The following WWOX variants were observed in gnomAD, a reference collection of about 807,000 sequenced individuals.
The protein encoded by WWOX is WW domain-containing oxidoreductase.
In WWOX, 69 loss-of-function variants were observed where a neutral mutation model predicts 46.2. The observed-to-expected ratio is 1.49, with a 90% CI of 1.23 to 1.82. The LOEUF (loss-of-function observed/expected upper bound fraction) is 1.82, where lower values mean the gene tolerates loss of function less well. Among genes scored for constraint, WWOX ranks in the 40% most tolerant of loss-of-function variants. The pLI, the probability that WWOX is intolerant of heterozygous loss-of-function variation, is 0.00. For synonymous variants in WWOX, 359 were observed against 202.6 expected (o/e 1.77, Z -6.56); for missense variants, 919 against 542.6 (o/e 1.69, Z -6.89).
chr16:78,105,032 C>A (rs1032312743), intron 1 of WWOX, among the ~76,000 whole-genome samples: 1 of 152,354 alleles, frequency 6.6e-6, no homozygotes, highest in African/African-American at 2.4e-5. Flanking sequence ...GTTCCGGATT[C>A]TTCCCCAGGG....
At chr16:78,657,844 G>GT (rs916524304) in intron 8 of WWOX, among the ~76,000 whole-genome samples, 4 of 152,028 alleles carry the variant, frequency 2.6e-5, no homozygotes, top group Non-Finnish European at 4.4e-5. Flanking sequence ...TTTGTTTTTT[G>GT]TTTTTTTGTT....
chr16:78,771,633 A>G (rs1044643967), intron 8 of WWOX, among the ~76,000 whole-genome samples: 2 of 152,028 alleles, frequency 1.3e-5, no homozygotes, highest in Admixed American at 6.6e-5. Context: ...TTGGGCGGGC[A>G]TTGTGGTGGG....
In WWOX at chr16:78,869,111, G is replaced by C. The variant is rs1458202665; in HGVS notation, c.1057-342497G>C. 3.3e-5 allele frequency among the ~76,000 whole-genome samples: 5 copies of C among 152,114 alleles called. No homozygotes were observed. In the East Asian group the frequency reaches 5.8e-4, roughly 18 times the overall value. On this transcript the variant is annotated intron_variant, in intron 8 of 8. Transcript: ENST00000566780. ...CATTAGTTTTGATTACATTAGTTTA[G>C]AATGAAATTTTAAATACACTAGTAT...
chr16:78,446,181 A>G (rs913822273), intron 8 of WWOX, among the ~76,000 whole-genome samples: 12 of 152,242 alleles, frequency 7.9e-5, no homozygotes, highest in Admixed American at 3.9e-4. Context: ...AGTTTAATGT[A>G]CAATGGTGAA....
chr16:78,438,866 T>C (rs186888265), intron 8 of WWOX, among the ~76,000 whole-genome samples: 172 of 152,234 alleles, frequency 1.1e-3, no homozygotes, highest in African/African-American at 4.0e-3. Context: ...AAATTATAAC[T>C]AGAAAAAGCA....
At chr16:78,187,222 C>T (rs1170166943) in intron 5 of WWOX, among the ~76,000 whole-genome samples, 2 of 152,116 alleles carry the variant, frequency 1.3e-5, no homozygotes, top group African/African-American at 4.8e-5. Context: ...TGTCTTTTTG[C>T]CCATCCAACC....
At chr16:78,133,331 G>C (rs957963245) in intron 4 of WWOX, among the ~76,000 whole-genome samples, 5 of 152,158 alleles carry the variant, frequency 3.3e-5, no homozygotes, top group Non-Finnish European at 5.9e-5. Context: ...CTCAATCTCG[G>C]CTCAGTGCAA....
chr16:78,862,931 C>G (rs954615506), intron 8 of WWOX, among the ~76,000 whole-genome samples: 1 of 150,556 alleles, frequency 6.6e-6, no homozygotes, highest in Non-Finnish European at 1.5e-5. Context: ...TGGACACATA[C>G]AATTAGACAT....
At position 78,616,761 on chromosome 16, in the gene WWOX, T is replaced by G. The variant is rs567519223; in HGVS notation, c.1056+184009T>G. Among the ~76,000 whole-genome samples, 131 of 151,496 alleles carry G rather than the reference T, an allele frequency of 8.6e-4. 1 individual carries two copies. The highest frequency in any genetic ancestry group is 3.0e-3 in the African/African-American group (122 of 41,276). On this transcript the variant is annotated intron_variant, in intron 8 of 8. Coordinates refer to ENST00000566780, the MANE Select transcript of WWOX (RefSeq NM_016373.4). ...TGTCTGGGAGACAGAGGGAGGAGAC[T>G]CCATCAACACTAATAATAATAAAGT...
At chr16:79,115,786 C>T (rs1248890129) in intron 8 of WWOX, among the ~76,000 whole-genome samples, 3 of 152,156 alleles carry the variant, frequency 2.0e-5, no homozygotes, top group Non-Finnish European at 4.4e-5. Flanking sequence ...TCACAGGATC[C>T]AAATCCTTAA....
intron 5 of WWOX, among the ~76,000 whole-genome samples, chr16:78,377,204 C>T (rs781078591): frequency 1.5e-4 from 23 of 152,254 alleles, no homozygotes; most frequent in Non-Finnish European, 3.1e-4. Context: ...ATGTCCAGTA[C>T]GTTGCCTTTT....
chr16:78,110,493 G>T (rs1597211081), intron 3 of WWOX, among the ~76,000 whole-genome samples: 1 of 152,214 alleles, frequency 6.6e-6, no homozygotes, highest in East Asian at 1.9e-4. Flanking sequence ...ATTTTGTACA[G>T]ATATACTATA....
chr16:78,789,473 C>A (rs1047813286), intron 8 of WWOX, among the ~76,000 whole-genome samples: 4 of 152,090 alleles, frequency 2.6e-5, no homozygotes, highest in African/African-American at 9.7e-5. Context: ...GTAAGTATTT[C>A]TTTCTGGACT....
chr16:78,431,835 GC>G (rs980671268), intron 7 of WWOX, among the ~76,000 whole-genome samples: 3 of 152,020 alleles, frequency 2.0e-5, no homozygotes, highest in Non-Finnish European at 1.5e-5. Context: ...TCCTGCCTCA[GC>G]CCCCCAAGTA....
At chr16:78,484,867 C>T (rs1263361196) in intron 8 of WWOX, among the ~76,000 whole-genome samples, 1 of 152,132 alleles carries the variant, frequency 6.6e-6, no homozygotes, top group African/African-American at 2.4e-5. Context: ...CATTTGTCTC[C>T]ATTTCTGTCC....
chr16:78,533,192 G>C (rs530056858), intron 8 of WWOX, among the ~76,000 whole-genome samples: 1 of 152,164 alleles, frequency 6.6e-6, no homozygotes, highest in Non-Finnish European at 1.5e-5. Context: ...AGGTCAGCCA[G>C]TTGGGAACAG....
At chr16:78,756,829 C>G in intron 8 of WWOX, 1 of 665,362 alleles carries the variant, frequency 1.5e-6, no homozygotes, top group Non-Finnish European at 2.7e-6. Context: ...CCTAATACTA[C>G]TGACCTGTAT....
Position 78,893,798 on chromosome 16 carries a change from G to A in WWOX, c.1057-317810G>A, listed in dbSNP as rs138861790. Reference sequence around the variant, plus strand: ...TTTCCCTGCCCCTCTCACCTTCATCGATCACACTTTTGCTTCACAGAGGTA... The same window carrying A: ...TTTCCCTGCCCCTCTCACCTTCATCAATCACACTTTTGCTTCACAGAGGTA... On this transcript the variant is annotated intron_variant, in intron 8 of 8. Coordinates refer to ENST00000566780, the MANE Select transcript of WWOX (RefSeq NM_016373.4). Among the ~76,000 whole-genome samples, 329 of 151,976 alleles carry A rather than the reference G, an allele frequency of 2.2e-3. 2 individuals are homozygous for A. The highest frequency in any genetic ancestry group is 7.3e-3 in the African/African-American group (303 of 41,436).
chr16:78,475,818 C>T (rs942602363), intron 8 of WWOX, among the ~76,000 whole-genome samples: 2 of 152,150 alleles, frequency 1.3e-5, no homozygotes, highest in African/African-American at 4.8e-5. Context: ...TGGTCTTGAA[C>T]TCCTGAATTC....
Sources: allele counts gnomAD v4.1 joint callset (sites outside exome capture counted in the v4.1 genomes callset), GRCh38; gene constraint gnomAD v4.1.1; transcripts MANE v1.5; gene names NCBI Gene and HGNC (gene_info 2026-07-23, HGNC 2026-07-21).